SEMA6C: variants seen among roughly 807,000 people sequenced by gnomAD.
SEMA6C encodes the protein semaphorin 6C, also known as semaphorin-6C.
A neutral mutation model predicts 72.9 loss-of-function variants in SEMA6C; 37 were observed. The observed-to-expected ratio is 0.51, with a 90% CI of 0.39 to 0.67. The LOEUF (loss-of-function observed/expected upper bound fraction) is 0.67. Among genes scored for constraint, SEMA6C ranks in the 30% least tolerant of loss-of-function variants. The probability of loss-of-function intolerance (pLI) is 0.00; values close to 1 mark genes in which losing one functional copy is unlikely to be tolerated. For missense variants in SEMA6C, 1,189 were observed against 1,263.6 expected (o/e 0.94, Z 0.89); for synonymous variants, 578 against 554.1 (o/e 1.04, Z -0.61).
At position 151,132,119 on chromosome 1, in the gene SEMA6C, C is replaced by T; in HGVS notation, c.*365G>A. 9.3e-7 allele frequency: 1 copy of T among 1,073,634 alleles called. No homozygotes were observed. Among genetic ancestry groups the T allele is most frequent in the Non-Finnish European group, 1.2e-6 (1 of 815,370 alleles). 66.5% of individuals were successfully genotyped at this position (1,073,634 alleles called of 1,614,324 possible). A position where few individuals can be genotyped will look rare whatever the true frequency, so the allele number is the denominator to read the frequency against. ...CAGTAGGAGAGGCACGTCCCAGACC[C>T]AGAAGGCCCGAGGACTCTGGACACA... On this transcript the variant is annotated 3_prime_UTR_variant, in exon 19 of 19. Transcript: ENST00000368914.
chr1:151,134,810 C>G lies in SEMA6C; in HGVS notation c.1646G>C (p.Arg549Thr). 1 of 1,614,172 alleles carries G rather than the reference C, an allele frequency of 6.2e-7. No individual in the cohort carries two copies. Among genetic ancestry groups the G allele is most frequent in the Non-Finnish European group, 8.5e-7 (1 of 1,179,990 alleles). ...WHSSRGCVDI[R>T]GSGGTDVDQA... The stretch of plus-strand genomic sequence containing the variant: ...ACCCATCACTTACCCACCAGATCCC[C>G]TGATATCCACACAGCCCCTGGAGCT... The change falls in exon 16 of 19, where the codon AGG becomes ACG. Residue 549 changes from arginine (R) to threonine (T), a missense_variant. Physicochemically the swap from Arg to Thr is moderately conservative, Grantham distance 71. This residue lies in a region of SEMA6C where 721 missense variants were observed against 686.2 expected (regional missense o/e 1.05). Coordinates refer to ENST00000368914, the MANE Select transcript of SEMA6C (RefSeq NM_030913.6).
intron 8 of SEMA6C, 75 bp downstream of exon 8, chr1:151,138,241 G>A: frequency 6.3e-7 from 1 of 1,584,586 alleles, no homozygotes; most frequent in Admixed American, 1.7e-5. Context: ...ATGGGGGAAA[G>A]ACCCACTGGG....
chr1:151,136,706 GGTGCCA>G, intron 11 of SEMA6C, 127 bp from the exon 12 acceptor site: 2 of 1,384,460 alleles, frequency 1.4e-6, no homozygotes, highest in Non-Finnish European at 2.0e-6. Flanking sequence ...GCAGCCACTG[GGTGCCA>G]CACTAGGAGA....
chr1:151,137,362 C>T (rs948066502), intron 10 of SEMA6C, among the ~76,000 whole-genome samples: 1 of 145,310 alleles, frequency 6.9e-6, no homozygotes, highest in African/African-American at 2.5e-5. Context: ...AGGAGAATGG[C>T]GTGAAGCCAG....
chr1:151,142,400 A>G, intron 3 of SEMA6C, 104 bp downstream of exon 3: 1 of 1,253,116 alleles, frequency 8.0e-7, no homozygotes, highest in Non-Finnish European at 1.1e-6. Context: ...TCTGGCTGTT[A>G]GCTTCCTGAG....
chr1:151,145,000 C>G (rs935785567), intron 1 of SEMA6C: 4 of 152,318 alleles, frequency 2.6e-5, no homozygotes, highest in African/African-American at 9.7e-5. Context: ...TTGCATTGGC[C>G]TTCTAGACTC....
chr1:151,133,649 G>A lies in SEMA6C; in HGVS notation c.1760-132C>T. 7.2e-6 allele frequency: 10 copies of A among 1,379,360 alleles called. No homozygotes were observed. The highest frequency in any genetic ancestry group is 9.5e-6 in the Non-Finnish European group (10 of 1,047,670). 85.4% of individuals were successfully genotyped at this position (1,379,360 alleles called of 1,614,324 possible). A position where few individuals can be genotyped will look rare whatever the true frequency, so the allele number is the denominator to read the frequency against. On this transcript the variant is annotated intron_variant, in intron 18 of 18. Coordinates refer to ENST00000368914, the MANE Select transcript of SEMA6C (RefSeq NM_030913.6). The surrounding 1 kb of genome is among the most constrained non-coding windows in gnomAD (Gnocchi z 5.9). ...GCTGCTACTCAGCCTCACTCCTACA[G>A]CCTCCACCATCCTCAGGATTCACCT...
At chr1:151,136,366 T>C in intron 12 of SEMA6C, 82 bp downstream of exon 12, 3 of 1,560,530 alleles carry the variant, frequency 1.9e-6, no homozygotes, top group Non-Finnish European at 2.6e-6. Flanking sequence ...GCCTTGGACA[T>C]CTCATTACCT....
At chr1:151,138,499 A>T (rs587736750) in intron 7 of SEMA6C, 93 bp from the exon 8 acceptor site, 2 of 1,407,786 alleles carry the variant, frequency 1.4e-6, no homozygotes, top group South Asian at 1.2e-5. Context: ...CTCCTCCCCA[A>T]CCCCTCTGGA....
chr1:151,136,181 A>G lies in SEMA6C; in HGVS notation c.1107-18T>C. On this transcript the variant is annotated intron_variant, in intron 12 of 18. Transcript: ENST00000368914. ...ATCCTGGCCTGGTGGGTGAATGGGA[A>G]GGGGCTGCCTTTGGACTGGGAGCTG... 1 of 1,612,810 alleles carries G rather than the reference A, an allele frequency of 6.2e-7. No homozygotes were observed. The highest frequency in any genetic ancestry group is 8.5e-7 in the Non-Finnish European group (1 of 1,179,752).
Position 151,132,578 on chromosome 1 carries a change from A to C in SEMA6C, c.2699T>G (p.Val900Gly), listed in dbSNP as rs1572016503. The stretch of plus-strand genomic sequence containing the variant: ...GGACAACTGGGGCTTCTCGACGTCC[A>C]CCCTTTTCAGGGCGCGGCCCCGGTA... Reference protein sequence around the residue: ...EGYRGRALKRVDVEKPQLSLK... With the variant: ...EGYRGRALKRGDVEKPQLSLK... The change falls in exon 19 of 19, where the codon GTG becomes GGG. Residue 900 changes from valine (V) to glycine (G), a missense_variant. By Grantham distance (109) the Val-to-Gly change is moderately radical. Coordinates refer to ENST00000368914, the MANE Select transcript of SEMA6C (RefSeq NM_030913.6). 6 of 1,551,218 alleles carry C rather than the reference A, an allele frequency of 3.9e-6. No individual in the cohort carries two copies.
chr1:151,144,138 C>T (rs80071944), intron 2 of SEMA6C, among the ~76,000 whole-genome samples: 10,453 of 152,202 alleles, frequency 0.069, 379 homozygotes, highest in African/African-American at 0.084. Context: ...CTTCCTCCCT[C>T]CCCCGACATG....
Position 151,136,547 on chromosome 1 carries a change from A to G in SEMA6C, c.1007T>C (p.Leu336Pro). ...CTCAAACCCACGCTCAATCTCATCC[A>G]GGTAGAAGGCGCAGACGGCAGAGCC... ...IPGSAVCAFY[L>P]DEIERGFEGK... The change falls in exon 12 of 19, where the codon CTG becomes CCG. Residue 336 changes from leucine to proline, a missense_variant. This residue lies in a region of SEMA6C where 468 missense variants were observed against 577.4 expected (regional missense o/e 0.81). Transcript: ENST00000368914. The G allele has an allele frequency of 6.2e-7, 1 of 1,614,082 alleles. No homozygotes were observed. Among genetic ancestry groups the G allele is most frequent in the Non-Finnish European group, 8.5e-7 (1 of 1,180,000 alleles).
At position 151,134,788 on chromosome 1, in the gene SEMA6C, C is replaced by T. The variant is rs1039773192; in HGVS notation, c.1658+10G>A. 1.2e-6 allele frequency: 2 copies of T among 1,613,816 alleles called. No individual in the cohort carries two copies. The highest frequency in any genetic ancestry group is 2.2e-5 in the East Asian group (1 of 44,876). ...TTTATGCTCAGGAAACCCAAGGACC[C>T]ATCACTTACCCACCAGATCCCCTGA... On this transcript the variant is annotated intron_variant, in intron 16 of 18. Transcript: ENST00000368914.
intron 3 of SEMA6C, 116 bp downstream of exon 3, chr1:151,142,388 G>A (rs1194541633): frequency 5.2e-6 from 6 of 1,148,876 alleles, no homozygotes; most frequent in South Asian, 1.4e-5. Flanking sequence ...TCTTTTTGCT[G>A]GTCTGGCTGT....
chr1:151,133,231 G>T lies in SEMA6C; in HGVS notation c.2046C>A (p.Thr682=). 6.3e-7 allele frequency: 1 copy of T among 1,580,732 alleles called. No individual in the cohort carries two copies. Among genetic ancestry groups the T allele is most frequent in the Non-Finnish European group, 8.6e-7 (1 of 1,169,512 alleles). The change falls in exon 19 of 19, where the codon ACC becomes ACA. Residue 682 remains threonine, a synonymous_variant. Coordinates refer to ENST00000368914, the MANE Select transcript of SEMA6C (RefSeq NM_030913.6). The surrounding 1 kb of genome is among the most constrained non-coding windows in gnomAD (Gnocchi z 5.9). ...GCACGCCCTCCGGAGGCGGCAGGAA[G>T]GTGGTGTAGAGCTGCGGCGTCTGCA... ...DAVQTPQLYT[T]FLPPPEGVPP...
At chr1:151,135,911 A>C in intron 13 of SEMA6C, 100 bp downstream of exon 13, 2 of 1,552,056 alleles carry the variant, frequency 1.3e-6, no homozygotes, top group Non-Finnish European at 1.8e-6. Context: ...TACTTTCACA[A>C]GTTCTTCCTC....
At position 151,133,836 on chromosome 1, in the gene SEMA6C, TG is replaced by T. The variant is rs1275791798; in HGVS notation, c.1760-320del. 2.1e-6 allele frequency: 2 copies of T among 972,158 alleles called. No individual in the cohort carries two copies. Among genetic ancestry groups the T allele is most frequent in the Non-Finnish European group, 3.1e-6 (2 of 654,434 alleles). 60.2% of individuals were successfully genotyped at this position (972,158 alleles called of 1,614,324 possible). A position where few individuals can be genotyped will look rare whatever the true frequency, so the allele number is the denominator to read the frequency against. ...AACTCGGGGCTGGGATGCCCAATTC[TG>T]GGGAAGGGAGGCTCCAAACAGGCGT... On this transcript the variant is annotated intron_variant, in intron 18 of 18. Coordinates refer to ENST00000368914, the MANE Select transcript of SEMA6C (RefSeq NM_030913.6). The surrounding 1 kb of genome is among the most constrained non-coding windows in gnomAD (Gnocchi z 5.9).
chr1:151,137,702 C>T lies in SEMA6C; in HGVS notation c.756+9G>A, dbSNP rs1283919922. ...CTCCAGCTACCCACCCTGATGCCCA[C>T]CTCCTTACCCTCCCCAGCCGAGCAT... On this transcript the variant is annotated intron_variant, in intron 10 of 18. Transcript: ENST00000368914. 6.2e-7 allele frequency: 1 copy of T among 1,608,412 alleles called. No homozygotes were observed. Among genetic ancestry groups the T allele is most frequent in the South Asian group, 1.1e-5 (1 of 90,632 alleles).
Sources: allele counts gnomAD v4.1 joint callset (sites outside exome capture counted in the v4.1 genomes callset), GRCh38; gene constraint gnomAD v4.1.1; regional missense constraint gnomAD v4.1.1; non-coding constraint Gnocchi (gnomAD v3.1); transcripts MANE v1.5; gene names NCBI Gene and HGNC (gene_info 2026-07-23, HGNC 2026-07-21).